Variants in CLCN6 observed in about 807,000 individuals in gnomAD.
The protein encoded by CLCN6 is H(+)/Cl(-) exchange transporter 6.
CLCN6 carries 70 observed loss-of-function variants against 109.8 expected under a neutral mutation model. The ratio of observed to expected loss-of-function variants is 0.64; its 90% CI spans 0.53 to 0.78. CLCN6 has a LOEUF of 0.78. Ranked by LOEUF, CLCN6 falls within the 30% of genes least tolerant of loss-of-function variation. The pLI is 0.00. For missense variants in CLCN6, 984 were observed against 1,142.3 expected (o/e 0.86, Z 2.00); for synonymous variants, 444 against 447.8 (o/e 0.99, Z 0.11).
Position 11,834,133 on chromosome 1 carries a change from T to C in CLCN6, c.1526+103T>C, listed in dbSNP as rs1644915592. Reference sequence around the variant, plus strand: ...GCGTGCGTTGATGTGTCTGTGCCCATGCATGCACATATGTGCATAGGCACA... The same window carrying C: ...GCGTGCGTTGATGTGTCTGTGCCCACGCATGCACATATGTGCATAGGCACA... On this transcript the variant is annotated intron_variant, in intron 15 of 22. Transcript: ENST00000346436. This position sits in a 1 kb window ranked among gnomAD's most constrained non-coding sequence, Gnocchi z 4.5. The C allele has an allele frequency of 1.3e-6, 2 of 1,587,008 alleles. No individual in the cohort carries two copies. The highest frequency in any genetic ancestry group is 1.7e-6 in the Non-Finnish European group (2 of 1,164,114).
intron 2 of CLCN6, among the ~76,000 whole-genome samples, chr1:11,815,532 A>G (rs1322554617): frequency 6.6e-6 from 1 of 152,176 alleles, no homozygotes; most frequent in Non-Finnish European, 1.5e-5. Context: ...AGTAGCTGGG[A>G]CTACAGGTGC....
At chr1:11,835,892 G>C in intron 17 of CLCN6, 75 bp from the exon 18 acceptor site, 2 of 1,432,868 alleles carry the variant, frequency 1.4e-6, no homozygotes, top group Non-Finnish European at 1.9e-6. Flanking sequence ...AGCAGGGCTG[G>C]AGAGCCAGCA....
In CLCN6 at chr1:11,838,531, G is replaced by A; in HGVS notation, c.2404-4G>A. On this transcript the variant is annotated splice_polypyrimidine_tract_variant and splice_region_variant and intron_variant, in intron 21 of 22. Coordinates refer to ENST00000346436, the MANE Select transcript of CLCN6 (RefSeq NM_001286.5). ...GCAGTCAGTGACACGTGGTCTCTTT[G>A]CAGGATGTCACCCCATACATGAACC... is the stretch of plus-strand genomic sequence containing the variant. 1 of 1,607,488 alleles carries A rather than the reference G, an allele frequency of 6.2e-7. No individual in the cohort carries two copies. Among genetic ancestry groups the A allele is most frequent in the South Asian group, 1.1e-5 (1 of 90,936 alleles).
Position 11,806,993 on chromosome 1 carries a change from G to A in CLCN6, c.88-138G>A, listed in dbSNP as rs1288815008. The A allele has an allele frequency of 1.1e-4, 84 of 731,318 alleles. No homozygotes were observed. The South Asian group carries it at 1.5e-3, about 13-fold the overall frequency. The allele number at this position is 731,318 out of a possible 1,614,324, so 45.3% of individuals were successfully genotyped here. A position where few individuals can be genotyped will look rare whatever the true frequency, so the allele number is the denominator to read the frequency against. On this transcript the variant is annotated intron_variant, in intron 1 of 22. Transcript: ENST00000346436. ...CCACATGGTCCCTCACCCCTGAAAG[G>A]TTTTTTTTGAGGGCTGGTTCCTATT...
chr1:11,839,107 C>T (rs1291385488), intron 22 of CLCN6: 1 of 586,898 alleles, frequency 1.7e-6, no homozygotes, highest in Non-Finnish European at 3.0e-6. Context: ...TCTTATTACA[C>T]AAATATTTTC....
Position 11,837,003 on chromosome 1 carries a change from CCAG to C in CLCN6, c.1988_1990del (p.Ser663del). ...CTGTGGCCTCCCCACCCACAGAAAT[CCAG>C]CATCCTCACCCGGGCTGGCGAGCAG... On this transcript the variant is annotated inframe_deletion, in exon 19 of 23. Transcript: ENST00000346436. The C allele has an allele frequency of 6.2e-7, 1 of 1,609,250 alleles. No individual in the cohort carries two copies. The highest frequency in any genetic ancestry group is 8.5e-7 in the Non-Finnish European group (1 of 1,179,992).
At chr1:11,833,693 G>T in intron 14 of CLCN6, 55 bp downstream of exon 14, 1 of 1,607,284 alleles carries the variant, frequency 6.2e-7, no homozygotes, top group Non-Finnish European at 8.5e-7. Flanking sequence ...CTCGGACACA[G>T]CCAGGCTTGC....
chr1:11,815,679 G>A (rs965665722), intron 2 of CLCN6, among the ~76,000 whole-genome samples, 167 bp from the exon 3 acceptor site: 5 of 152,228 alleles, frequency 3.3e-5, no homozygotes, highest in Non-Finnish European at 5.9e-5. Flanking sequence ...ATAGGCATGA[G>A]CCACCGCACC....
rs572323228 is a variant in CLCN6 at position 11,812,381 on chromosome 1, G to A, written c.148-3465G>A. Among the ~76,000 whole-genome samples the A allele has an allele frequency of 7.9e-5, 12 of 152,288 alleles. No homozygotes were observed. In the South Asian group the frequency reaches 1.5e-3, roughly 18 times the overall value. On this transcript the variant is annotated intron_variant, in intron 2 of 22. Transcript: ENST00000346436. Reference sequence around the variant, plus strand: ...CGCTACCCTCCAGGAACCTCCAAACGGTTCAGCTGTCTGGAAGCTCTCTGA... The same window carrying A: ...CGCTACCCTCCAGGAACCTCCAAACAGTTCAGCTGTCTGGAAGCTCTCTGA...
In CLCN6 at chr1:11,834,630, T is replaced by C; in HGVS notation, c.1793+40T>C. Reference sequence around the variant, plus strand: ...TTGCTCATGTCCTAGTTTCAGAATGTATAAGCTCTGAGGCCTAAGGAATGT... The same window carrying C: ...TTGCTCATGTCCTAGTTTCAGAATGCATAAGCTCTGAGGCCTAAGGAATGT... On this transcript the variant is annotated intron_variant, in intron 17 of 22. Transcript: ENST00000346436. The surrounding 1 kb of genome is among the most constrained non-coding windows in gnomAD (Gnocchi z 4.5). 6.5e-7 allele frequency: 1 copy of C among 1,531,868 alleles called. No homozygotes were observed. The highest frequency in any genetic ancestry group is 9.0e-7 in the Non-Finnish European group (1 of 1,106,516). The allele number at this position is 1,531,868 out of a possible 1,614,324, so 94.9% of individuals were successfully genotyped here. A position where few individuals can be genotyped will look rare whatever the true frequency, so the allele number is the denominator to read the frequency against.
Position 11,841,635 on chromosome 1 carries a change from C to T in CLCN6, c.*1412C>T, listed in dbSNP as rs1178154271. ...AACCGTGGAGGTTGCCCACGGGCCTCGGCACCTGGCCCTGGCAGCACAGCT... is the reference window on the plus strand; with the variant it reads ...AACCGTGGAGGTTGCCCACGGGCCTTGGCACCTGGCCCTGGCAGCACAGCT... On this transcript the variant is annotated 3_prime_UTR_variant, in exon 23 of 23. Coordinates refer to ENST00000346436, the MANE Select transcript of CLCN6 (RefSeq NM_001286.5). 3.9e-5 allele frequency: 6 copies of T among 152,230 alleles called. No homozygotes were observed. The highest frequency in any genetic ancestry group is 7.2e-5 in the African/African-American group (3 of 41,454). 9.4% of individuals were successfully genotyped at this position (152,230 alleles called of 1,614,324 possible).
Position 11,840,131 on chromosome 1 carries a change from T to C in CLCN6, c.2530-12T>C. ...TACCCTGAAGGTGACTCAGGCCTTC[T>C]CTTTGCCCTAGATCGTGGGGATCAT... On this transcript the variant is annotated splice_polypyrimidine_tract_variant and intron_variant, in intron 22 of 22. Coordinates refer to ENST00000346436, the MANE Select transcript of CLCN6 (RefSeq NM_001286.5). 1 of 1,613,430 alleles carries C rather than the reference T, an allele frequency of 6.2e-7. No homozygotes were observed. Among genetic ancestry groups the C allele is most frequent in the East Asian group, 2.2e-5 (1 of 44,886 alleles).
chr1:11,838,786 A>C, intron 22 of CLCN6, 126 bp downstream of exon 22: 1 of 1,398,206 alleles, frequency 7.2e-7, no homozygotes. Context: ...GTGGCCCAAC[A>C]CTAGCTTTGA....
chr1:11,828,056 T>C, intron 10 of CLCN6, 50 bp from the exon 11 acceptor site: 5 of 1,356,974 alleles, frequency 3.7e-6, no homozygotes, highest in Non-Finnish European at 5.3e-6. Context: ...TGGGAGAGAG[T>C]AGGACATGCC....
In CLCN6 at chr1:11,834,974, G is replaced by A. The variant is rs551484277; in HGVS notation, c.1793+384G>A. On this transcript the variant is annotated intron_variant, in intron 17 of 22. Transcript: ENST00000346436. The surrounding 1 kb of genome is among the most constrained non-coding windows in gnomAD (Gnocchi z 4.5). ...CCACCAGAATGCCCTACTGCCAGCC[G>A]GGATTGTTCTGGGCATAATCACCTC... is the stretch of plus-strand genomic sequence containing the variant. Among the ~76,000 whole-genome samples, 33 of 152,306 alleles carry A rather than the reference G, an allele frequency of 2.2e-4. No homozygotes were observed. Among genetic ancestry groups the A allele is most frequent in the African/African-American group, 3.4e-4 (14 of 41,558 alleles).
chr1:11,824,962 T>G lies in CLCN6; in HGVS notation c.648+409T>G, dbSNP rs182805612. Among the ~76,000 whole-genome samples, 149 of 152,344 alleles carry G rather than the reference T, an allele frequency of 9.8e-4. 1 individual carries two copies. Among genetic ancestry groups the G allele is most frequent in the African/African-American group, 3.4e-3 (143 of 41,574 alleles). On this transcript the variant is annotated intron_variant, in intron 8 of 22. Transcript: ENST00000346436. ...GTTGGCGTGGTACAGTCATAATAAC[T>G]GCTGCTAATTATGGTCTGTGTGCCA...
Position 11,827,220 on chromosome 1 carries a change from T to G in CLCN6, c.839T>G (p.Val280Gly). Residue 280 changes from valine to glycine, a missense_variant and splice_region_variant, in exon 10 of 23, where the codon GTG (valine) becomes GGG (glycine). Transcript: ENST00000346436. Reference sequence around the variant, plus strand: ...TGGAACCAAGGGCTCACGTGGAAAGTGGTGAGGAGGACCTTCAGTGAAAGC... The same window carrying G: ...TGGAACCAAGGGCTCACGTGGAAAGGGGTGAGGAGGACCTTCAGTGAAAGC... Reference protein sequence around the residue: ...SFWNQGLTWKVLFCSMSATFT... With the variant: ...SFWNQGLTWKGLFCSMSATFT... The G allele has an allele frequency of 6.2e-7, 1 of 1,610,206 alleles. No individual in the cohort carries two copies. The highest frequency in any genetic ancestry group is 8.5e-7 in the Non-Finnish European group (1 of 1,177,650).
Position 11,819,489 on chromosome 1 carries a change from T to C in CLCN6, c.281T>C (p.Val94Ala). The change falls in exon 5 of 23, where the codon GTG becomes GCG. Residue 94 changes from valine to alanine, a missense_variant and splice_region_variant. Coordinates refer to ENST00000346436, the MANE Select transcript of CLCN6 (RefSeq NM_001286.5). ...VFAIGVCTGLVGLFVDFFVRL... is the reference protein window; with the variant it reads ...VFAIGVCTGLAGLFVDFFVRL... ...TGACAGATCTCTTGCTCTTCACAGG[T>C]GGGTCTCTTTGTGGACTTTTTTGTG... 1 of 1,614,082 alleles carries C rather than the reference T, an allele frequency of 6.2e-7. No homozygotes were observed. The highest frequency in any genetic ancestry group is 8.5e-7 in the Non-Finnish European group (1 of 1,179,906).
chr1:11,814,812 C>T (rs1239886299), intron 2 of CLCN6, among the ~76,000 whole-genome samples: 2 of 151,918 alleles, frequency 1.3e-5, no homozygotes, highest in African/African-American at 2.4e-5. Context: ...GAGGGCGGAT[C>T]ACGAGGTCAG....
Sources: gnomAD v4.1 joint callset for allele counts (sites outside exome capture counted in the v4.1 genomes callset) on GRCh38, gnomAD v4.1.1 for gene constraint, Gnocchi (gnomAD v3.1) non-coding constraint, MANE v1.5 for transcripts, NCBI Gene and HGNC (gene_info 2026-07-23, HGNC 2026-07-21) for gene names.